Variants in THADA observed in about 807,000 individuals in gnomAD.
THADA encodes tRNA (32-2'-O)-methyltransferase regulator THADA.
THADA carries 213 observed loss-of-function variants against 219.8 expected under a neutral mutation model. That is an observed-to-expected ratio of 0.97 (90% CI 0.87 to 1.09). The LOEUF (loss-of-function observed/expected upper bound fraction) is 1.09. Among genes scored for constraint, THADA ranks in the 50% least tolerant of loss-of-function variants. THADA has a pLI of 0.00. For synonymous variants in THADA, 1,018 were observed against 828.9 expected (o/e 1.23, Z -3.92); for missense variants, 2,956 against 2,311.3 (o/e 1.28, Z -5.72).
intron 34 of THADA, among the ~76,000 whole-genome samples, chr2:43,288,739 A>G (rs1160354417): frequency 1.3e-5 from 2 of 152,220 alleles, no homozygotes; most frequent in East Asian, 3.8e-4. Flanking sequence ...ATCATTGGAC[A>G]TCGGTGATCA....
intron 33 of THADA, 149 bp from the exon 34 acceptor site, chr2:43,291,917 A>G: frequency 1.3e-6 from 1 of 792,456 alleles, no homozygotes. Flanking sequence ...GGAAGCAATT[A>G]CCTTTTGGTT....
At position 43,350,509 on chromosome 2, in the gene THADA, C is replaced by T. The variant is rs573128906; in HGVS notation, c.4228-6272G>A. Reference sequence around the variant, plus strand: ...CATATTAACTGAACCCCAACTAGGCCGTAGGCCTCTCAGGAGCACCCCTCT... The same window carrying T: ...CATATTAACTGAACCCCAACTAGGCTGTAGGCCTCTCAGGAGCACCCCTCT... On this transcript the variant is annotated intron_variant, in intron 29 of 37. Transcript: ENST00000405975. 1.1e-3 allele frequency among the ~76,000 whole-genome samples: 175 copies of T among 152,344 alleles called. 1 individual carries two copies. The highest frequency in any genetic ancestry group is 4.0e-3 in the African/African-American group (166 of 41,578).
intron 21 of THADA, among the ~76,000 whole-genome samples, chr2:43,536,334 T>A (rs993745632): frequency 1.3e-5 from 2 of 152,188 alleles, no homozygotes; most frequent in African/African-American, 4.8e-5. Flanking sequence ...GTACCACACT[T>A]TTTTGTTGCT....
At chr2:43,566,136 CA>C (rs35589833) in intron 15 of THADA, 87,932 of 263,576 alleles carry the variant, frequency 0.33, 14,031 homozygotes, top group African/African-American at 0.47. Flanking sequence ...AAAAATGAAA[CA>C]AAAAAAAAAG....
intron 25 of THADA, among the ~76,000 whole-genome samples, chr2:43,495,043 C>G (rs949415662): frequency 6.6e-6 from 1 of 152,134 alleles, no homozygotes. Context: ...GTTATATTCC[C>G]AAGAGGATGT....
At chr2:43,592,146 C>A in intron 2 of THADA, 100 bp from the exon 3 acceptor site, 1 of 1,035,212 alleles carries the variant, frequency 9.7e-7, no homozygotes. Context: ...TAAACCATAG[C>A]AATAGGTGGA....
At position 43,473,736 on chromosome 2, in the gene THADA, G is replaced by A. The variant is rs193127701; in HGVS notation, c.3836+11498C>T. Among the ~76,000 whole-genome samples, 878 of 152,086 alleles carry A rather than the reference G, an allele frequency of 5.8e-3. 3 individuals carry two copies. Among genetic ancestry groups the A allele is most frequent in the African/African-American group, 0.018 (760 of 41,488 alleles). On this transcript the variant is annotated intron_variant, in intron 26 of 37. Transcript: ENST00000405975. ...CGATTCTCCTGCCTCAGCCTCCCGA[G>A]TAGCTGGGATTACAGGCGCCTGCCA...
At chr2:43,369,617 G>A (rs1670571052) in intron 29 of THADA, among the ~76,000 whole-genome samples, 2 of 152,206 alleles carry the variant, frequency 1.3e-5, no homozygotes, top group African/African-American at 4.8e-5. Context: ...TAAGAAGGCA[G>A]ATTCTGAGGT....
chr2:43,411,413 G>C (rs1462319500), intron 28 of THADA, among the ~76,000 whole-genome samples: 1 of 152,022 alleles, frequency 6.6e-6, no homozygotes. Flanking sequence ...AAATTTGTTG[G>C]GCCAGCTTTA....
rs939386630 is a variant in THADA at position 43,471,381 on chromosome 2, G to A, written c.3836+13853C>T. 7.9e-5 allele frequency among the ~76,000 whole-genome samples: 12 copies of A among 152,008 alleles called. No homozygotes were observed. The East Asian group carries it at 1.2e-3, about 15-fold the overall frequency. On this transcript the variant is annotated intron_variant, in intron 26 of 37. Coordinates refer to ENST00000405975, the MANE Select transcript of THADA (RefSeq NM_022065.5). ...TCTCTACAAAAAATTATAAAAATTC[G>A]CTAGGCAGGGTGGTGCACATCTGTA...
intron 22 of THADA, among the ~76,000 whole-genome samples, chr2:43,521,505 G>T (rs965861122): frequency 2.0e-5 from 3 of 152,138 alleles, no homozygotes; most frequent in Non-Finnish European, 2.9e-5. Flanking sequence ...GCAGTGAGCC[G>T]AGATTGCACC....
chr2:43,283,539 G>A (rs1673624766), intron 35 of THADA, among the ~76,000 whole-genome samples: 1 of 152,260 alleles, frequency 6.6e-6, no homozygotes, highest in South Asian at 2.1e-4. Context: ...GCTCTCAGAT[G>A]CAGATGAGGA....
Position 43,590,861 on chromosome 2 carries a change from AAGAAAG to A in THADA, c.259_264del (p.Ser90_Leu91del). ...TTCTTCAAGGGATTCTTTAGACTCA[AAGAAAG>A]ATAAATGCCTGCTAAGATATCCAAA... On this transcript the variant is annotated inframe_deletion, in exon 4 of 38. Transcript: ENST00000405975. 6.2e-7 allele frequency: 1 copy of A among 1,613,866 alleles called. No individual in the cohort carries two copies. The highest frequency in any genetic ancestry group is 8.5e-7 in the Non-Finnish European group (1 of 1,179,834).
chr2:43,541,080 T>G (rs1695233295), intron 21 of THADA, 79 bp downstream of exon 21: 1 of 1,364,458 alleles, frequency 7.3e-7, no homozygotes, highest in Admixed American at 3.3e-5. Context: ...AAACCTTTTT[T>G]TAGAGTTGGG....
At position 43,310,232 on chromosome 2, in the gene THADA, C is replaced by A. The variant is rs1379422100; in HGVS notation, c.4438+10214G>T. ...CTCCCTCCCTCCCTTTCCCGCCCCC[C>A]CCCCAAACAAGCTGATCCTAAAATT... On this transcript the variant is annotated intron_variant, in intron 31 of 37. Coordinates refer to ENST00000405975, the MANE Select transcript of THADA (RefSeq NM_022065.5). 2.4e-3 allele frequency among the ~76,000 whole-genome samples: 303 copies of A among 126,518 alleles called. 8 individuals carry two copies. The highest frequency in any genetic ancestry group is 8.0e-3 in the African/African-American group (276 of 34,440). 83.0% of individuals were successfully genotyped at this position (126,518 alleles called of 152,430 possible). A position where few individuals can be genotyped will look rare whatever the true frequency, so the allele number is the denominator to read the frequency against.
chr2:43,318,070 C>T (rs74551432), intron 31 of THADA, among the ~76,000 whole-genome samples: 12,780 of 151,946 alleles, frequency 0.084, 649 homozygotes, highest in South Asian at 0.17. Context: ...GACAGGGTAT[C>T]GCTCTGTCGC....
At position 43,574,639 on chromosome 2, in the gene THADA, T is replaced by C. The variant is rs1574326192; in HGVS notation, c.1426A>G (p.Thr476Ala). The C allele has an allele frequency of 6.2e-7, 1 of 1,613,928 alleles. No homozygotes were observed. The highest frequency in any genetic ancestry group is 8.5e-7 in the Non-Finnish European group (1 of 1,179,874). Reference protein sequence around the residue: ...GVEHILAIDKTIPSQILEVMG... With the variant: ...GVEHILAIDKAIPSQILEVMG... ...ACCTCTAAGATTTGAGATGGAATAG[T>C]TTTATCTATAGCCAAAATATGTTCA... The change falls in exon 11 of 38, where the codon ACT (threonine) becomes GCT (alanine). Residue 476 changes from threonine to alanine, a missense_variant. By Grantham distance (58) the Thr-to-Ala change is moderately conservative. Transcript: ENST00000405975.
intron 17 of THADA, among the ~76,000 whole-genome samples, chr2:43,554,375 G>A (rs1303301407): frequency 6.6e-6 from 1 of 152,080 alleles, no homozygotes; most frequent in Non-Finnish European, 1.5e-5. Context: ...CAACGCCTTG[G>A]AAGGAGAAGG....
intron 29 of THADA, chr2:43,370,002 C>T (rs937688982): frequency 6.6e-6 from 1 of 152,196 alleles, no homozygotes; most frequent in Admixed American, 6.5e-5. Context: ...TGCTTTACAT[C>T]CATTCAGTGC....
Sources: gnomAD v4.1 joint callset for allele counts (sites outside exome capture counted in the v4.1 genomes callset) on GRCh38, gnomAD v4.1.1 for gene constraint, MANE v1.5 for transcripts, NCBI Gene and HGNC (gene_info 2026-07-23, HGNC 2026-07-21) for gene names.